ACER3: variants seen among roughly 807,000 people sequenced by gnomAD.
The protein encoded by ACER3 is alkCDase 3.
Under a neutral mutation model 48.9 loss-of-function variants are expected in ACER3, and 16 were observed. That is an observed-to-expected ratio of 0.33 (90% CI 0.22 to 0.50). The LOEUF (loss-of-function observed/expected upper bound fraction) is 0.50. Among genes scored for constraint, ACER3 ranks in the 20% least tolerant of loss-of-function variants. The pLI is 0.98. For missense variants in ACER3, 227 were observed against 326.0 expected, an observed-to-expected ratio of 0.70 and a Z score of 2.34; for synonymous variants, 109 against 107.8, an observed-to-expected ratio of 1.01 and a Z score of -0.07.
At position 77,023,234 on chromosome 11, in the gene ACER3, T is replaced by C. The variant is rs566133121; in HGVS notation, c.*2907T>C. ...TAGTGTTTTGTTTGACAGAAGTAAA[T>C]CAAATATTATGGTTTAAATATAATG... On this transcript the variant is annotated 3_prime_UTR_variant, in exon 11 of 11. Transcript: ENST00000532485. 7.5e-6 allele frequency: 3 copies of C among 398,326 alleles called. No individual in the cohort carries two copies. In the South Asian group the frequency reaches 3.8e-4, roughly 51 times the overall value. The allele number at this position is 398,326 out of a possible 1,614,324, so 24.7% of individuals were successfully genotyped here.
chr11:76,890,048 G>A (rs1945767809), intron 1 of ACER3, among the ~76,000 whole-genome samples: 1 of 151,934 alleles, frequency 6.6e-6, no homozygotes, highest in Non-Finnish European at 1.5e-5. Flanking sequence ...GTTTCCTCAT[G>A]TATTCTTGTG....
At position 77,005,036 on chromosome 11, in the gene ACER3, C is replaced by CT. The variant is rs57411582; in HGVS notation, c.497+6234dup. Among the ~76,000 whole-genome samples, 302 of 112,850 alleles carry CT rather than the reference C, an allele frequency of 2.7e-3. 3 individuals carry two copies. Among genetic ancestry groups the CT allele is most frequent in the Admixed American group, 4.9e-3 (56 of 11,352 alleles). 74.0% of individuals were successfully genotyped at this position (112,850 alleles called of 152,430 possible). ...TGCCTGTGAGTTACTTAAACTTTTT[C>CT]TTTTTTTTTTTTTTTTTTTGAGACG... On this transcript the variant is annotated intron_variant, in intron 7 of 10. Coordinates refer to ENST00000532485, the MANE Select transcript of ACER3 (RefSeq NM_018367.7).
intron 3 of ACER3, among the ~76,000 whole-genome samples, chr11:76,971,552 A>G (rs1444694812): frequency 1.3e-5 from 2 of 152,146 alleles, no homozygotes; most frequent in Non-Finnish European, 2.9e-5. Context: ...AAAAAGAAAA[A>G]AAAACCGATA....
chr11:76,992,236 T>C (rs1029316888), intron 6 of ACER3, among the ~76,000 whole-genome samples: 6 of 152,122 alleles, frequency 3.9e-5, no homozygotes, highest in African/African-American at 1.4e-4. Flanking sequence ...TAATAATAAA[T>C]AAATGAAGTT....
At chr11:76,884,323 G>A (rs1467172034) in intron 1 of ACER3, among the ~76,000 whole-genome samples, 1 of 152,042 alleles carries the variant, frequency 6.6e-6, no homozygotes, top group Non-Finnish European at 1.5e-5. Context: ...TTTTCTCAGA[G>A]ATCACATTGC....
At chr11:76,991,807 C>A (rs560370479) in intron 6 of ACER3, among the ~76,000 whole-genome samples, 2 of 92,610 alleles carry the variant, frequency 2.2e-5, no homozygotes, top group Non-Finnish European at 4.3e-5. Context: ...CAGAATGAAA[C>A]TCTGTCTCAA....
chr11:77,014,235 C>A (rs1223765084), intron 7 of ACER3, among the ~76,000 whole-genome samples: 2 of 152,218 alleles, frequency 1.3e-5, no homozygotes, highest in African/African-American at 4.8e-5. Context: ...TAATACCTGC[C>A]TCACAGGGAT....
intron 10 of ACER3, among the ~76,000 whole-genome samples, 173 bp downstream of exon 10, chr11:77,019,949 T>C (rs1421551555): frequency 6.6e-6 from 1 of 152,214 alleles, no homozygotes; most frequent in African/African-American, 2.4e-5. Flanking sequence ...CAAATCTCTT[T>C]AAGCCTTAGT....
At chr11:76,892,831 A>G (rs1945840300) in intron 1 of ACER3, among the ~76,000 whole-genome samples, 1 of 152,214 alleles carries the variant, frequency 6.6e-6, no homozygotes, top group Admixed American at 6.5e-5. Context: ...ACGAGAAAGA[A>G]AGGAATTAAA....
chr11:76,967,894 T>C (rs916164201), intron 3 of ACER3, among the ~76,000 whole-genome samples: 9 of 151,784 alleles, frequency 5.9e-5, no homozygotes, highest in Non-Finnish European at 8.8e-5. Context: ...GACAGGGATG[T>C]CCTCTCTCAC....
Position 76,976,357 on chromosome 11 carries a change from A to G in ACER3, c.320+16A>G. ...TGTACTGCATGTAAGTACTTTTAAA[A>G]TTTCATTGTTTGATTTATTTTTAAA... On this transcript the variant is annotated intron_variant, in intron 4 of 10. Coordinates refer to ENST00000532485, the MANE Select transcript of ACER3 (RefSeq NM_018367.7). 1 of 1,503,284 alleles carries G rather than the reference A, an allele frequency of 6.7e-7. No homozygotes were observed. The highest frequency in any genetic ancestry group is 9.1e-7 in the Non-Finnish European group (1 of 1,094,468). 93.1% of individuals were successfully genotyped at this position (1,503,284 alleles called of 1,614,324 possible).
intron 2 of ACER3, among the ~76,000 whole-genome samples, chr11:76,935,151 T>C (rs1245017086): frequency 6.6e-6 from 1 of 151,964 alleles, no homozygotes; most frequent in African/African-American, 2.4e-5. Flanking sequence ...GAATATTTAA[T>C]AGGGGCTGTT....
At chr11:76,922,528 T>C (rs1211420665) in intron 1 of ACER3, among the ~76,000 whole-genome samples, 1 of 152,164 alleles carries the variant, frequency 6.6e-6, no homozygotes, top group Non-Finnish European at 1.5e-5. Flanking sequence ...ATTTTCATAC[T>C]CTACCTAGGC....
Position 76,889,030 on chromosome 11 carries a change from G to A in ACER3, c.103+27951G>A, listed in dbSNP as rs376845516. On this transcript the variant is annotated intron_variant, in intron 1 of 10. Transcript: ENST00000532485. ...GCCAGTGGTCTTCTTGTTCCTTCGT[G>A]CTAGTGGGTGTTTACTTTTCTATTT... Among the ~76,000 whole-genome samples, 143 of 152,250 alleles carry A rather than the reference G, an allele frequency of 9.4e-4. 2 individuals are homozygous for A. The South Asian group carries it at 0.028, about 30-fold the overall frequency.
chr11:76,945,641 G>A (rs574439870), intron 2 of ACER3, among the ~76,000 whole-genome samples: 1 of 152,274 alleles, frequency 6.6e-6, no homozygotes, highest in Admixed American at 6.5e-5. Context: ...AGCAGCATAC[G>A]CTGGCACCAG....
At chr11:77,001,085 T>A (rs1555019694) in intron 7 of ACER3, among the ~76,000 whole-genome samples, 1 of 152,214 alleles carries the variant, frequency 6.6e-6, no homozygotes, top group Non-Finnish European at 1.5e-5. Context: ...ATTTATTTCA[T>A]CAGCATTTTG....
intron 7 of ACER3, among the ~76,000 whole-genome samples, chr11:77,003,265 G>A (rs1555020265): frequency 6.6e-6 from 1 of 152,042 alleles, no homozygotes; most frequent in African/African-American, 2.4e-5. Flanking sequence ...CTATTCAAAT[G>A]ATTGATTTTG....
At chr11:76,886,999 A>G (rs914078208) in intron 1 of ACER3, among the ~76,000 whole-genome samples, 55 of 152,332 alleles carry the variant, frequency 3.6e-4, no homozygotes, top group African/African-American at 1.1e-3. Context: ...ACTGTCGAGA[A>G]CAATATATAA....
chr11:77,009,359 A>G (rs1949215597), intron 7 of ACER3, among the ~76,000 whole-genome samples: 1 of 152,168 alleles, frequency 6.6e-6, no homozygotes, highest in Non-Finnish European at 1.5e-5. Flanking sequence ...TCACTACCGC[A>G]AGGACAGAAC....
Sources: allele counts gnomAD v4.1 joint callset (sites outside exome capture counted in the v4.1 genomes callset), GRCh38; gene constraint gnomAD v4.1.1; transcripts MANE v1.5; gene names NCBI Gene and HGNC (gene_info 2026-07-23, HGNC 2026-07-21).